MPST: variants seen among roughly 807,000 people sequenced by gnomAD.
The protein encoded by MPST is mercaptopyruvate sulfurtransferase, also known as 3-mercaptopyruvate sulfurtransferase.
Under a neutral mutation model 28.5 loss-of-function variants are expected in MPST, and 27 were observed. The ratio of observed to expected loss-of-function variants is 0.95; its 90% CI spans 0.70 to 1.31. The LOEUF is 1.31. Ranked by LOEUF, MPST falls within the 50% of genes most tolerant of loss-of-function variation. MPST has a pLI of 0.00. For synonymous variants in MPST, 204 were observed against 209.3 expected (o/e 0.97, Z 0.22); for missense variants, 492 against 471.1 (o/e 1.04, Z -0.41).
Position 37,029,203 on chromosome 22 carries a change from T to C in MPST, c.656-13T>C. 6.2e-7 allele frequency: 1 copy of C among 1,609,906 alleles called. No homozygotes were observed. The highest frequency in any genetic ancestry group is 8.5e-7 in the Non-Finnish European group (1 of 1,177,052). On this transcript the variant is annotated splice_polypyrimidine_tract_variant and intron_variant, in intron 2 of 2. Coordinates refer to ENST00000429360, the MANE Select transcript of MPST (RefSeq NM_021126.8). The stretch of plus-strand genomic sequence containing the variant: ...CTTCTATTTGTCCCCTCCTCCCTGC[T>C]CCCCTGCTGTAGGCATTGAACCTGG...
intron 2 of MPST, 133 bp downstream of exon 2, chr22:37,024,943 T>TCCTTCCCTTTCCCTTCCCTCC: frequency 6.5e-7 from 1 of 1,528,024 alleles, no homozygotes; most frequent in Non-Finnish European, 8.9e-7. Context: ...TTCTTTCCTT[T>TCCTTCCCTTTCCCTTCCCTCC]CCTTCCCTTT....
At chr22:37,022,749 G>T (rs1923167721) in intron 1 of MPST, among the ~76,000 whole-genome samples, 1 of 152,196 alleles carries the variant, frequency 6.6e-6, no homozygotes. Context: ...GTCCACAGAT[G>T]TTGTTCTCTA....
At chr22:37,024,871 G>T (rs776433142) in intron 2 of MPST, 61 bp downstream of exon 2, 25 of 1,573,926 alleles carry the variant, frequency 1.6e-5, no homozygotes, top group Non-Finnish European at 2.1e-5. Flanking sequence ...CCTGAGCAGT[G>T]CCCTGGACTT....
intron 2 of MPST, 133 bp downstream of exon 2, chr22:37,024,943 TCCTTCCCTTTC>T: frequency 3.9e-6 from 6 of 1,528,022 alleles, no homozygotes; most frequent in Non-Finnish European, 5.3e-6. Flanking sequence ...TTCTTTCCTT[TCCTTCCCTTTC>T]CCTTCCCTCC....
rs987464146 is a variant in MPST at position 37,023,732 on chromosome 22, C to T, written c.37-460C>T. ...GTACCCAGCAAGGACTCAGTAAATT[C>T]CAGCTACTGTTCCTATTAGGTCGCC... is the stretch of plus-strand genomic sequence containing the variant. On this transcript the variant is annotated intron_variant, in intron 1 of 2. Coordinates refer to ENST00000429360, the MANE Select transcript of MPST (RefSeq NM_021126.8). 3.6e-6 allele frequency: 4 copies of T among 1,116,746 alleles called. No homozygotes were observed. In the African/African-American group the frequency reaches 6.7e-5, roughly 19 times the overall value. 69.2% of individuals were successfully genotyped at this position (1,116,746 alleles called of 1,614,324 possible). A position where few individuals can be genotyped will look rare whatever the true frequency, so the allele number is the denominator to read the frequency against.
In MPST at chr22:37,024,516, G is replaced by A. The variant is rs766596438; in HGVS notation, c.361G>A (p.Asp121Asn). Residue 121 changes from aspartate to asparagine, a missense_variant, in exon 2 of 3, where the codon GAC (aspartate) becomes AAC (asparagine). By Grantham distance (23) the Asp-to-Asn change is conservative. Coordinates refer to ENST00000429360, the MANE Select transcript of MPST (RefSeq NM_021126.8). ...CGCGGCCACCCACGTCGTGATCTAC[G>A]ACGCCAGCGACCAGGGCCTCTACTC... ...VGAATHVVIY[D>N]ASDQGLYSAP... The A allele has an allele frequency of 1.3e-6, 2 of 1,565,252 alleles. No individual in the cohort carries two copies. The highest frequency in any genetic ancestry group is 1.7e-6 in the Non-Finnish European group (2 of 1,160,240).
intron 1 of MPST, 44 bp downstream of exon 1, chr22:37,019,916 G>A (rs1377669503): frequency 5.6e-6 from 6 of 1,071,948 alleles, no homozygotes; most frequent in Non-Finnish European, 7.2e-6. Context: ...GAGGGGGAGG[G>A]AGTGGCTCTT....
At chr22:37,024,017 C>T (rs1923273003) in intron 1 of MPST, 175 bp from the exon 2 acceptor site, 6 of 1,321,178 alleles carry the variant, frequency 4.5e-6, no homozygotes, top group Non-Finnish European at 5.0e-6. Flanking sequence ...AGAGGGAGGC[C>T]CCTGGCTACC....
intron 1 of MPST, 191 bp downstream of exon 1, chr22:37,020,063 G>T: frequency 2.6e-6 from 1 of 390,200 alleles, no homozygotes; most frequent in Middle Eastern, 4.6e-4. Context: ...GGGTCGTGGC[G>T]AGTGGCGGGT....
intron 2 of MPST, 178 bp downstream of exon 2, chr22:37,024,988 C>A: frequency 6.7e-7 from 1 of 1,489,868 alleles, no homozygotes; most frequent in Non-Finnish European, 9.1e-7. Flanking sequence ...CCTACCCTTG[C>A]CTTCTTTTCA....
At chr22:37,023,739 C>T in intron 1 of MPST, 1 of 1,125,906 alleles carries the variant, frequency 8.9e-7, no homozygotes, top group Non-Finnish European at 1.1e-6. Context: ...ATTCCAGCTA[C>T]TGTTCCTATT....
At chr22:37,023,884 T>C in intron 1 of MPST, 1 of 1,484,784 alleles carries the variant, frequency 6.7e-7, no homozygotes, top group Non-Finnish European at 9.0e-7. Flanking sequence ...AGCAGGGCCT[T>C]GCCCTAGGAT....
At chr22:37,026,612 C>G (rs1409215025) in intron 2 of MPST, 3 of 152,278 alleles carry the variant, frequency 2.0e-5, no homozygotes, top group Admixed American at 6.5e-5. Flanking sequence ...TGGTGGGATT[C>G]AAGGTGTAGG....
At chr22:37,022,180 T>C (rs954655015) in intron 1 of MPST, among the ~76,000 whole-genome samples, 1 of 152,092 alleles carries the variant, frequency 6.6e-6, no homozygotes, top group African/African-American at 2.4e-5. Context: ...GATCACCCCT[T>C]AGCCAAACAC....
chr22:37,019,885 G>A lies in MPST; in HGVS notation c.36+13G>A. ...GTCCGAGACCCGGGTAACTGCCGCG[G>A]CGTGGCGGCTTGCCTTTCTGGAGGG... On this transcript the variant is annotated intron_variant, in intron 1 of 2. Coordinates refer to ENST00000429360, the MANE Select transcript of MPST (RefSeq NM_021126.8). 8.3e-7 allele frequency: 1 copy of A among 1,209,186 alleles called. No individual in the cohort carries two copies. The highest frequency in any genetic ancestry group is 1.0e-6 in the Non-Finnish European group (1 of 963,694). The allele number at this position is 1,209,186 out of a possible 1,614,324, so 74.9% of individuals were successfully genotyped here. A position where few individuals can be genotyped will look rare whatever the true frequency, so the allele number is the denominator to read the frequency against.
intron 2 of MPST, chr22:37,025,212 C>T: frequency 8.3e-7 from 1 of 1,203,246 alleles, no homozygotes; most frequent in Non-Finnish European, 1.1e-6. Context: ...CCCTCCTGTG[C>T]TTTGGGCAGT....
Position 37,029,704 on chromosome 22 carries a change from G to A in MPST, c.*190G>A. The A allele has an allele frequency of 3.0e-6, 2 of 664,368 alleles. No individual in the cohort carries two copies. The highest frequency in any genetic ancestry group is 5.0e-6 in the Non-Finnish European group (2 of 396,608). The allele number at this position is 664,368 out of a possible 1,614,324, so 41.2% of individuals were successfully genotyped here. The stretch of plus-strand genomic sequence containing the variant: ...AGTAGGGGCGGGAGGAAAGGCGGAG[G>A]CGAGCCCTGGAGGAGGGAGGCCACA... On this transcript the variant is annotated 3_prime_UTR_variant, in exon 3 of 3. Transcript: ENST00000429360.
chr22:37,022,860 C>T lies in MPST; in HGVS notation c.37-1332C>T, dbSNP rs147260209. On this transcript the variant is annotated intron_variant, in intron 1 of 2. Coordinates refer to ENST00000429360, the MANE Select transcript of MPST (RefSeq NM_021126.8). ...GGGCTGATCTGCAGCCCATACTCCA[C>T]ACACCCAGCCATGTGCCCTGGTGGG... Among the ~76,000 whole-genome samples the T allele has an allele frequency of 2.6e-5, 4 of 152,354 alleles. No individual in the cohort carries two copies. The East Asian group carries it at 7.7e-4, about 29-fold the overall frequency.
intron 1 of MPST, among the ~76,000 whole-genome samples, chr22:37,022,190 C>A (rs1398064984): frequency 1.3e-5 from 2 of 152,096 alleles, no homozygotes; most frequent in Admixed American, 1.3e-4. Context: ...TAGCCAAACA[C>A]CCCTTGGCAG....
Sources: gnomAD v4.1 joint callset for allele counts (sites outside exome capture counted in the v4.1 genomes callset) on GRCh38, gnomAD v4.1.1 for gene constraint, MANE v1.5 for transcripts, NCBI Gene and HGNC (gene_info 2026-07-23, HGNC 2026-07-21) for gene names.